ZCCHC2: variants seen among roughly 807,000 people sequenced by gnomAD.
ZCCHC2 encodes zinc finger CCHC domain-containing protein 2.
Under a neutral mutation model 103.6 loss-of-function variants are expected in ZCCHC2, and 39 were observed. The ratio of observed to expected loss-of-function variants is 0.38; its 90% CI spans 0.29 to 0.49. The LOEUF (loss-of-function observed/expected upper bound fraction) is 0.49. Among genes scored for constraint, ZCCHC2 ranks in the 20% least tolerant of loss-of-function variants. ZCCHC2 has a pLI of 0.96. For synonymous variants in ZCCHC2, 687 were observed against 608.9 expected (o/e 1.13, Z -1.89); for missense variants, 1,483 against 1,491.0 (o/e 0.99, Z 0.09).
At chr18:62,571,085 C>G (rs1916582303) in intron 12 of ZCCHC2, among the ~76,000 whole-genome samples, 1 of 152,224 alleles carries the variant, frequency 6.6e-6, no homozygotes, top group South Asian at 2.1e-4. Context: ...TCTGGTCAGC[C>G]TCTTGTCAGC....
rs1397347921 is a variant in ZCCHC2 at position 62,575,424 on chromosome 18, A to C, written c.3343A>C (p.Asn1115His). ...ATTCTATCCTGTATATCCAGCACCTAACGTAGTTGCCAACACCAGTGGTTC... is the reference window on the plus strand; with the variant it reads ...ATTCTATCCTGTATATCCAGCACCTCACGTAGTTGCCAACACCAGTGGTTC... ...GRFYPVYPAP[N>H]VVANTSGSGP... The change falls in exon 13 of 14, where the codon AAC becomes CAC. Residue 1115 changes from asparagine (N) to histidine (H), a missense_variant. This residue lies in a region of ZCCHC2 where 884 missense variants were observed against 907.5 expected (regional missense o/e 0.97). Coordinates refer to ENST00000269499, the MANE Select transcript of ZCCHC2 (RefSeq NM_017742.6). 3.1e-6 allele frequency: 5 copies of C among 1,613,996 alleles called. No homozygotes were observed. The highest frequency in any genetic ancestry group is 4.2e-6 in the Non-Finnish European group (5 of 1,179,894).
chr18:62,539,322 G>A (rs1286054195), intron 1 of ZCCHC2, among the ~76,000 whole-genome samples: 8 of 152,140 alleles, frequency 5.3e-5, no homozygotes, highest in Non-Finnish European at 1.2e-4. Context: ...GAATAAAAAT[G>A]GTGTAGTGAT....
At chr18:62,570,017 G>A in intron 11 of ZCCHC2, 86 bp from the exon 12 acceptor site, 3 of 1,342,386 alleles carry the variant, frequency 2.2e-6, no homozygotes, top group Non-Finnish European at 3.0e-6. Context: ...AGAAAATATA[G>A]CTAAAATTAA....
intron 11 of ZCCHC2, among the ~76,000 whole-genome samples, chr18:62,568,109 T>C (rs1049701580): frequency 6.6e-5 from 10 of 152,172 alleles, no homozygotes; most frequent in African/African-American, 9.7e-5. Context: ...CTTCGTTTAA[T>C]ATCCCAGATG....
chr18:62,580,553 T>G (rs1917017225), downstream of ZCCHC2, among the ~76,000 whole-genome samples: 1 of 133,590 alleles, frequency 7.5e-6, no homozygotes, highest in Non-Finnish European at 1.6e-5. Context: ...CCCGAGACGG[T>G]GTCACAGTGC....
At chr18:62,571,880 A>G (rs1047673252) in intron 12 of ZCCHC2, among the ~76,000 whole-genome samples, 1 of 152,202 alleles carries the variant, frequency 6.6e-6, no homozygotes, top group Admixed American at 6.5e-5. Flanking sequence ...GAGTGTTGCT[A>G]CATGATATAC....
chr18:62,575,708 AAC>A (rs1916814841), intron 13 of ZCCHC2, among the ~76,000 whole-genome samples, 158 bp downstream of exon 13: 1 of 152,236 alleles, frequency 6.6e-6, no homozygotes, highest in South Asian at 2.1e-4. Flanking sequence ...CAACTGGAAA[AAC>A]AGTGTAGACC....
At chr18:62,583,438 A>C (rs925012344), downstream of ZCCHC2, among the ~76,000 whole-genome samples, 2 of 152,176 alleles carry the variant, frequency 1.3e-5, no homozygotes, top group Non-Finnish European at 2.9e-5. Flanking sequence ...AATTTTTCTG[A>C]AAAGGTTCCA....
Position 62,575,277 on chromosome 18 carries a change from A to C in ZCCHC2, c.3196A>C (p.Ser1066Arg). 1 of 1,614,008 alleles carries C rather than the reference A, an allele frequency of 6.2e-7. No homozygotes were observed. The highest frequency in any genetic ancestry group is 2.2e-5 in the East Asian group (1 of 44,882). The change falls in exon 13 of 14, where the codon AGC becomes CGC. Residue 1066 changes from serine (S) to arginine (R), a missense_variant. Ser to Arg is a moderately radical substitution (Grantham distance 110, BLOSUM62 -1). Coordinates refer to ENST00000269499, the MANE Select transcript of ZCCHC2 (RefSeq NM_017742.6). ...CAGCTACCTCAACCAAGCACATCAG[A>C]GCAATGGAAACCAACTTCCTTTTTT... ...NGSYLNQAHQ[S>R]NGNQLPFFLP...
At chr18:62,534,069 T>TG (rs1740323086) in intron 1 of ZCCHC2, among the ~76,000 whole-genome samples, 1 of 149,494 alleles carries the variant, frequency 6.7e-6, no homozygotes, top group Non-Finnish European at 1.5e-5. Flanking sequence ...CTTCAATGGG[T>TG]GGATGCTGAC....
At chr18:62,583,839 G>T (rs1917097459) in intron 14 of ZCCHC2, among the ~76,000 whole-genome samples, 1 of 152,136 alleles carries the variant, frequency 6.6e-6, no homozygotes, top group Admixed American at 6.5e-5. Flanking sequence ...TAAAGGATGA[G>T]GGGCTCTGGG....
exon 15 of ZCCHC2, chr18:62,585,431 C>T (rs1208500259): frequency 6.6e-6 from 1 of 152,246 alleles, no homozygotes; most frequent in Non-Finnish European, 1.5e-5. Flanking sequence ...GACAAAGTAA[C>T]CTTCATGCAG....
intron 7 of ZCCHC2, among the ~76,000 whole-genome samples, chr18:62,560,068 TA>T (rs1245977927): frequency 3.9e-5 from 6 of 152,206 alleles, no homozygotes; most frequent in Non-Finnish European, 8.8e-5. Flanking sequence ...TATGGATAGT[TA>T]AAACTTGCAC....
In ZCCHC2 at chr18:62,575,020, C is replaced by G; in HGVS notation, c.2939C>G (p.Thr980Ser). 1 of 1,614,014 alleles carries G rather than the reference C, an allele frequency of 6.2e-7. No homozygotes were observed. The highest frequency in any genetic ancestry group is 1.3e-5 in the African/African-American group (1 of 75,044). The change falls in exon 13 of 14, where the codon ACC becomes AGC. Residue 980 changes from threonine (T) to serine (S), a missense_variant. Physicochemically the swap from Thr to Ser is moderately conservative, Grantham distance 58 (BLOSUM62 1). Coordinates refer to ENST00000269499, the MANE Select transcript of ZCCHC2 (RefSeq NM_017742.6). The stretch of plus-strand genomic sequence containing the variant: ...CCAAGCCCTGCCTTGACACACAGTA[C>G]CGCGCAGAGTGACAGCACCTCTTAC... ...PSPSPALTHS[T>S]AQSDSTSYIS...
At chr18:62,524,450 G>GAGCCCC (rs1441731462) in intron 1 of ZCCHC2, 87 bp downstream of exon 1, 4 of 1,402,816 alleles carry the variant, frequency 2.9e-6, no homozygotes, top group Non-Finnish European at 1.8e-6. Context: ...CCCCTTGCCC[G>GAGCCCC]AGCCCCAGCC....
At position 62,523,372 on chromosome 18, in the gene ZCCHC2, C is replaced by CGCGGCG; in HGVS notation, c.-48_-47insGGCGGC. The CGCGGCG allele has an allele frequency of 3.0e-6, 3 of 1,014,084 alleles. No individual in the cohort carries two copies. The highest frequency in any genetic ancestry group is 2.4e-6 in the Non-Finnish European group (2 of 850,406). The allele number at this position is 1,014,084 out of a possible 1,614,324, so 62.8% of individuals were successfully genotyped here. ...CGCCGCCTCGGCCCGTGCTCCACCT[C>CGCGGCG]GCGGCCCCTCCCGCCCGCCCCCGCT... On this transcript the variant is annotated 5_prime_UTR_variant, in exon 1 of 14. Transcript: ENST00000269499.
In ZCCHC2 at chr18:62,550,473, C is replaced by T; in HGVS notation, c.1313+13C>T. 6.3e-7 allele frequency: 1 copy of T among 1,599,954 alleles called. No homozygotes were observed. The highest frequency in any genetic ancestry group is 8.6e-7 in the Non-Finnish European group (1 of 1,169,422). On this transcript the variant is annotated intron_variant, in intron 5 of 13. Coordinates refer to ENST00000269499, the MANE Select transcript of ZCCHC2 (RefSeq NM_017742.6). The stretch of plus-strand genomic sequence containing the variant: ...AGCCCATCCTAAGGTAATGATTTAC[C>T]TGACGCCTATCATAGCAGCATACAC...
intron 1 of ZCCHC2, among the ~76,000 whole-genome samples, chr18:62,528,885 G>A (rs1465284422): frequency 6.6e-6 from 1 of 151,982 alleles, no homozygotes; most frequent in Non-Finnish European, 1.5e-5. Flanking sequence ...TTTTGGCCAG[G>A]CGCAGTGGCT....
chr18:62,582,771 A>G (rs1917070441), downstream of ZCCHC2, among the ~76,000 whole-genome samples: 1 of 152,006 alleles, frequency 6.6e-6, no homozygotes, highest in Non-Finnish European at 1.5e-5. Flanking sequence ...TTCTAGTTGA[A>G]TTCAATTTTG....
Sources: allele counts gnomAD v4.1 joint callset (sites outside exome capture counted in the v4.1 genomes callset), GRCh38; gene constraint gnomAD v4.1.1; regional missense constraint gnomAD v4.1.1; transcripts MANE v1.5; gene names NCBI Gene and HGNC (gene_info 2026-07-23, HGNC 2026-07-21).